Variants in WT1 observed in about 807,000 individuals in gnomAD.
WT1 encodes Wilms tumor protein.
In WT1, 8 loss-of-function variants were observed where a neutral mutation model predicts 60.8. That is an observed-to-expected ratio of 0.13 (90% CI 0.08 to 0.24). WT1 has a LOEUF of 0.24. Among genes scored for constraint, WT1 ranks in the 10% least tolerant of loss-of-function variants. WT1 has a pLI of 1.00. For missense variants in WT1, 568 were observed against 711.8 expected (o/e 0.80, Z 2.30); for synonymous variants, 312 against 297.1 (o/e 1.05, Z -0.52).
At position 32,435,048 on chromosome 11, in the gene WT1, C is replaced by A. The variant is rs1236417259; in HGVS notation, c.313G>T (p.Ala105Ser). 1 of 1,464,514 alleles carries A rather than the reference C, an allele frequency of 6.8e-7. No individual in the cohort carries two copies. Among genetic ancestry groups the A allele is most frequent in the East Asian group, 2.8e-5 (1 of 35,960 alleles). The allele number at this position is 1,464,514 out of a possible 1,614,324, so 90.7% of individuals were successfully genotyped here. A position where few individuals can be genotyped will look rare whatever the true frequency, so the allele number is the denominator to read the frequency against. ...AAGTCCAGCACCGGCGCCCACTGCG[C>A]CGCGCCGCTCACAGGCAGGGCACAG... is the stretch of plus-strand genomic sequence containing the variant. Residue 105 changes from alanine to serine, a missense_variant, in exon 1 of 10, where the codon GCG becomes TCG. Physicochemically the swap from Ala to Ser is moderately conservative, Grantham distance 99 (BLOSUM62 1). Coordinates refer to ENST00000452863, the MANE Select transcript of WT1 (RefSeq NM_024426.6).
At position 32,434,734 on chromosome 11, in the gene WT1, G is replaced by A. The variant is rs761530541; in HGVS notation, c.627C>T (p.Ser209=). ...GAATAGCGGGCTGGCTCTCGAGGCA[G>A]CTGGGCAGGTAGGGCGCGTTAGGAA... Residue 209 remains serine (S), a synonymous_variant, in exon 1 of 10, where the codon AGC becomes AGT. Coordinates refer to ENST00000452863, the MANE Select transcript of WT1 (RefSeq NM_024426.6). 4 of 1,613,030 alleles carry A rather than the reference G, an allele frequency of 2.5e-6. No homozygotes were observed. The Admixed American group carries it at 6.7e-5, about 27-fold the overall frequency.
At chr11:32,426,913 C>A (rs1237309205) in intron 3 of WT1, among the ~76,000 whole-genome samples, 1 of 152,166 alleles carries the variant, frequency 6.6e-6, no homozygotes, top group Admixed American at 6.5e-5. Context: ...GACAGTCCCC[C>A]AGGCGCGGCC....
In WT1 at chr11:32,435,482, G is replaced by A; in HGVS notation, c.-122C>T. 1 of 1,429,328 alleles carries A rather than the reference G, an allele frequency of 7.0e-7. No individual in the cohort carries two copies. Among genetic ancestry groups the A allele is most frequent in the Non-Finnish European group, 9.3e-7 (1 of 1,072,188 alleles). The allele number at this position is 1,429,328 out of a possible 1,614,324, so 88.5% of individuals were successfully genotyped here. A position where few individuals can be genotyped will look rare whatever the true frequency, so the allele number is the denominator to read the frequency against. On this transcript the variant is annotated 5_prime_UTR_variant, in exon 1 of 10. Transcript: ENST00000452863. ...GAAGTGGGGGAGCGGACAGGCGGTC[G>A]GGTTGCGGAGAGCCCCCGGGTGTGG...
intron 5 of WT1, among the ~76,000 whole-genome samples, chr11:32,402,216 CT>C (rs1268379452): frequency 6.6e-6 from 1 of 152,214 alleles, no homozygotes; most frequent in Admixed American, 6.5e-5. Flanking sequence ...TAATTTTTGA[CT>C]TATCTAGGGC....
chr11:32,399,500 A>G (rs1852080956), intron 6 of WT1, among the ~76,000 whole-genome samples: 1 of 152,240 alleles, frequency 6.6e-6, no homozygotes, highest in Non-Finnish European at 1.5e-5. Flanking sequence ...AATGCCTAGT[A>G]TATAGAAAAT....
chr11:32,402,614 T>C lies in WT1; in HGVS notation c.1017-2570A>G, dbSNP rs78199925. 4.5e-3 allele frequency among the ~76,000 whole-genome samples: 690 copies of C among 152,346 alleles called. 7 individuals are homozygous for C. Among genetic ancestry groups the C allele is most frequent in the African/African-American group, 0.016 (665 of 41,584 alleles). On this transcript the variant is annotated intron_variant, in intron 5 of 9. Transcript: ENST00000452863. ...AGGCTGGAATGTAGTGGTGCGATCA[T>C]AGCTCACTGCAGCCTTGAATTCCCT... is the stretch of plus-strand genomic sequence containing the variant.
intron 5 of WT1, among the ~76,000 whole-genome samples, chr11:32,412,334 C>A (rs1366552601): frequency 1.3e-5 from 2 of 152,098 alleles, no homozygotes; most frequent in Admixed American, 6.5e-5. Flanking sequence ...TGTGTGTTCC[C>A]AACAGCCTGT....
rs552787252 is a variant in WT1, at chr11:32,428,695, G to A, written c.662-76C>T. The A allele has an allele frequency of 1.2e-5, 18 of 1,544,460 alleles. No homozygotes were observed. The South Asian group carries it at 2.1e-4, about 18-fold the overall frequency. On this transcript the variant is annotated intron_variant, in intron 1 of 9. Coordinates refer to ENST00000452863, the MANE Select transcript of WT1 (RefSeq NM_024426.6). Reference sequence around the variant, plus strand: ...GGGGCAGTGGGTCTGAACCAGCCACGGGCGGGGGGGGTGTGCGCTGAACCC... The same window carrying A: ...GGGGCAGTGGGTCTGAACCAGCCACAGGCGGGGGGGGTGTGCGCTGAACCC...
In WT1 at chr11:32,435,517, T is replaced by A; in HGVS notation, c.-157A>T. 1 of 1,190,488 alleles carries A rather than the reference T, an allele frequency of 8.4e-7. No homozygotes were observed. The highest frequency in any genetic ancestry group is 1.5e-5 in the South Asian group (1 of 66,590). 73.7% of individuals were successfully genotyped at this position (1,190,488 alleles called of 1,614,324 possible). A position where few individuals can be genotyped will look rare whatever the true frequency, so the allele number is the denominator to read the frequency against. ...GAGCCCCCGGGTGTGGGCGCTGCCT[T>A]GAACTCCTTACCCCAGCTGCCTGGC... On this transcript the variant is annotated 5_prime_UTR_variant, in exon 1 of 10. Coordinates refer to ENST00000452863, the MANE Select transcript of WT1 (RefSeq NM_024426.6).
chr11:32,429,119 G>A lies in WT1; in HGVS notation c.662-500C>T, dbSNP rs5030161. 1,968 of 258,320 alleles carry A rather than the reference G, an allele frequency of 7.6e-3. 42 individuals carry two copies. Among genetic ancestry groups the A allele is most frequent in the African/African-American group, 0.041 (1,878 of 45,606 alleles). 16.0% of individuals were successfully genotyped at this position (258,320 alleles called of 1,614,324 possible). Reference sequence around the variant, plus strand: ...TTACTCGGAGCCAGTTAAATGGCCTGGTCTTAAAAATGGGAAGAGTAATTA... The same window carrying A: ...TTACTCGGAGCCAGTTAAATGGCCTAGTCTTAAAAATGGGAAGAGTAATTA... On this transcript the variant is annotated intron_variant, in intron 1 of 9. Coordinates refer to ENST00000452863, the MANE Select transcript of WT1 (RefSeq NM_024426.6).
chr11:32,397,258 T>C (rs578145206), intron 6 of WT1, among the ~76,000 whole-genome samples: 3 of 152,300 alleles, frequency 2.0e-5, no homozygotes, highest in East Asian at 3.9e-4. Context: ...CATTCCTTTA[T>C]AGATGAGTAA....
At chr11:32,412,534 A>G (rs1482391649) in intron 5 of WT1, among the ~76,000 whole-genome samples, 1 of 152,042 alleles carries the variant, frequency 6.6e-6, no homozygotes, top group Non-Finnish European at 1.5e-5. Context: ...AGAAGAGACA[A>G]AACAGAGGCC....
Position 32,400,059 on chromosome 11 carries a change from A to G in WT1, c.1017-15T>C, listed in dbSNP as rs374441355. On this transcript the variant is annotated splice_polypyrimidine_tract_variant and intron_variant, in intron 5 of 9. Coordinates refer to ENST00000452863, the MANE Select transcript of WT1 (RefSeq NM_024426.6). ...CTGTGCTGTGGCTGCAAACACAAAG[A>G]AGGGAAAAAGGCTCAGTGTGGCTCA... 2.1e-4 allele frequency: 331 copies of G among 1,613,840 alleles called. No individual in the cohort carries two copies. Among genetic ancestry groups the G allele is most frequent in the Non-Finnish European group, 2.7e-4 (318 of 1,179,908 alleles).
At position 32,389,228 on chromosome 11, in the gene WT1, A is replaced by G. The variant is rs1799937; in HGVS notation, c.1448-49T>C. The G allele has an allele frequency of 0.28, 455,246 of 1,612,978 alleles. 75,743 individuals carry two copies. Among genetic ancestry groups the G allele is most frequent in the East Asian group, 0.69 (30,956 of 44,854 alleles). On this transcript the variant is annotated intron_variant, in intron 9 of 9. Transcript: ENST00000452863. ...AGACACTTGCAACAAAGAGACAGGC[A>G]CAAGTTCAACTATCAAGGCCCGAGT...
chr11:32,397,700 C>G (rs1852015112), intron 6 of WT1, among the ~76,000 whole-genome samples: 1 of 152,182 alleles, frequency 6.6e-6, no homozygotes, highest in African/African-American at 2.4e-5. Flanking sequence ...ATTTTCCACT[C>G]TACCCCATGC....
Position 32,428,509 on chromosome 11 carries a change from G to T in WT1, c.772C>A (p.Gln258Lys). 2 of 1,614,134 alleles carry T rather than the reference G, an allele frequency of 1.2e-6. No individual in the cohort carries two copies. Among genetic ancestry groups the T allele is most frequent in the Non-Finnish European group, 1.7e-6 (2 of 1,180,040 alleles). The change falls in exon 2 of 10, where the codon CAG becomes AAG. Residue 258 changes from glutamine to lysine, a missense_variant. Transcript: ENST00000452863. ...TCCGCTCGCTTACCCAGCGAGCCCT[G>T]CTGGCCCATGGGATCCTCATGCTTG...
chr11:32,417,774 T>C, intron 3 of WT1, 120 bp from the exon 4 acceptor site: 1 of 802,732 alleles, frequency 1.2e-6, no homozygotes, highest in South Asian at 1.5e-5. Context: ...TTTTCCAGAA[T>C]GACAGAATAT....
At chr11:32,403,756 T>C in intron 5 of WT1, among the ~76,000 whole-genome samples, 1 of 151,802 alleles carries the variant, frequency 6.6e-6, no homozygotes, top group Non-Finnish European at 1.5e-5. Context: ...TTTGTAGTTT[T>C]AGTAGAGACG....
rs2132940829 is a variant in WT1 at position 32,396,349 on chromosome 11, C to T, written c.1172G>A (p.Ser391Asn). 1.2e-6 allele frequency: 2 copies of T among 1,614,184 alleles called. No individual in the cohort carries two copies. Among genetic ancestry groups the T allele is most frequent in the Non-Finnish European group, 8.5e-7 (1 of 1,180,048 alleles). The change falls in exon 7 of 10, where the codon AGT becomes AAT. Residue 391 changes from serine to asparagine, a missense_variant. Ser to Asn is a conservative substitution (Grantham distance 46). Transcript: ENST00000452863. ...AGCACACATGAAGGGGCGTTTCTCACTGGTCTCAGATGCCGACCGTACAAG... is the reference window on the plus strand; with the variant it reads ...AGCACACATGAAGGGGCGTTTCTCATTGGTCTCAGATGCCGACCGTACAAG...
Sources: gnomAD v4.1 joint callset for allele counts (sites outside exome capture counted in the v4.1 genomes callset) on GRCh38, gnomAD v4.1.1 for gene constraint, MANE v1.5 for transcripts, NCBI Gene and HGNC (gene_info 2026-07-23, HGNC 2026-07-21) for gene names.